CTSB: variants seen among roughly 807,000 people sequenced by gnomAD.
The protein encoded by CTSB is cathepsin B, also known as APP secretase.
CTSB carries 57 observed loss-of-function variants against 44.3 expected under a neutral mutation model. The ratio of observed to expected loss-of-function variants is 1.29; its 90% confidence interval spans 1.04 to 1.60. The LOEUF (loss-of-function observed/expected upper bound fraction) is 1.60. CTSB is among the 40% of genes most tolerant of loss of function. The pLI is 0.00. For synonymous variants in CTSB, 320 were observed against 168.0 expected (o/e 1.91, Z -7.00); for missense variants, 768 against 443.0 (o/e 1.73, Z -6.59).
At chr8:11,848,010 T>C (rs995631446) in intron 6 of CTSB, 57 bp downstream of exon 6, 8 of 1,444,682 alleles carry the variant, frequency 5.5e-6, no homozygotes, top group East Asian at 2.3e-5. Context: ...AAAGCCATGA[T>C]GGTTAATTGC....
rs1414442738 is a variant in CTSB, at chr8:11,847,770, C to A, written c.585G>T (p.Arg195=). The part of the protein sequence containing the change: ...PPCEHHVNGS[R]PPCTGEGDTP... ...TATCTCCCTCCCCCGTGCATGGGGG[C>A]CGGGAGCCGTTGACGTGGTGCTCAC... Residue 195 remains arginine, a synonymous_variant, in exon 7 of 10, where the codon CGG becomes CGT. Coordinates refer to ENST00000353047, the MANE Select transcript of CTSB (RefSeq NM_001908.5). The A allele has an allele frequency of 1.9e-6, 3 of 1,600,176 alleles. No homozygotes were observed. The highest frequency in any genetic ancestry group is 2.6e-6 in the Non-Finnish European group (3 of 1,175,912).
chr8:11,847,007 C>G (rs752631272), intron 8 of CTSB, 45 bp downstream of exon 8: 37 of 952,340 alleles, frequency 3.9e-5, no homozygotes, highest in Non-Finnish European at 5.7e-5. Flanking sequence ...CCCAGGCTCC[C>G]CTCCCGACCC....
Position 11,849,108 on chromosome 8 carries a change from G to T in CTSB, c.384C>A (p.His128Gln), listed in dbSNP as rs927000261. Reference sequence around the variant, plus strand: ...CCTCCGCCGACACCTCCACGCTGACGTGCGCATTGGTGTGGATGCAGATCC... The same window carrying T: ...CCTCCGCCGACACCTCCACGCTGACTTGCGCATTGGTGTGGATGCAGATCC... Reference protein sequence around the residue: ...SDRICIHTNAHVSVEVSAEDL... With the variant: ...SDRICIHTNAQVSVEVSAEDL... The change falls in exon 5 of 10, where the codon CAC becomes CAA. Residue 128 changes from histidine (H) to glutamine (Q), a missense_variant. Physicochemically the swap from His to Gln is conservative, Grantham distance 24. Transcript: ENST00000353047. 1.9e-6 allele frequency: 3 copies of T among 1,613,572 alleles called. No individual in the cohort carries two copies. The highest frequency in any genetic ancestry group is 2.5e-6 in the Non-Finnish European group (3 of 1,179,876).
intron 8 of CTSB, 161 bp downstream of exon 8, chr8:11,846,891 C>G (rs1563383098): frequency 6.6e-6 from 4 of 609,398 alleles, no homozygotes; most frequent in African/African-American, 5.5e-5. Context: ...CCAGGCTGGT[C>G]CACAGAGGAG....
At chr8:11,852,527 A>G in intron 3 of CTSB, 83 bp downstream of exon 3, 1 of 1,066,310 alleles carries the variant, frequency 9.4e-7, no homozygotes, top group Admixed American at 2.1e-5. Context: ...GACGCCAGAG[A>G]GGCCTTCACT....
chr8:11,845,377 G>A (rs529499043), intron 9 of CTSB, among the ~76,000 whole-genome samples, 155 bp from the exon 10 acceptor site: 1 of 152,178 alleles, frequency 6.6e-6, no homozygotes, highest in Non-Finnish European at 1.5e-5. Flanking sequence ...CTGGAGCCGT[G>A]GGGCACACCT....
At chr8:11,845,597 C>G in intron 9 of CTSB, 64 bp downstream of exon 9, 2 of 1,571,798 alleles carry the variant, frequency 1.3e-6, no homozygotes, top group South Asian at 1.2e-5. Flanking sequence ...CAGAGAAAGC[C>G]GAGATGGCCA....
At position 11,868,047 on chromosome 8, in the gene CTSB, G is replaced by C. The variant is rs990704836; in HGVS notation, c.-72C>G. 2.0e-5 allele frequency: 3 copies of C among 152,628 alleles called. No individual in the cohort carries two copies. The highest frequency in any genetic ancestry group is 7.2e-5 in the African/African-American group (3 of 41,440). The allele number at this position is 152,628 out of a possible 1,614,324, so 9.5% of individuals were successfully genotyped here. On this transcript the variant is annotated 5_prime_UTR_variant, in exon 1 of 10. Transcript: ENST00000353047. ...TGCAGCCCAGCCTGCGCGCAGCGGA[G>C]CGGTTGGCGTTGCCGGAGCGGTTGC...
In CTSB at chr8:11,845,708, G is replaced by A; in HGVS notation, c.875C>T (p.Pro292Leu). The A allele has an allele frequency of 2.5e-6, 4 of 1,614,080 alleles. No homozygotes were observed. Among genetic ancestry groups the A allele is most frequent in the African/African-American group, 1.3e-5 (1 of 75,036 alleles). The change falls in exon 9 of 10, where the codon CCC (proline) becomes CTC (leucine). Residue 292 changes from proline (P) to leucine (L), a missense_variant. Transcript: ENST00000353047. ...ILGWGVENGT[P>L]YWLVANSWNT... ...CCAGGAGTTGGCAACCAGCCAGTAG[G>A]GTGTGCCATTCTCCACTCCCCAGCC...
intron 8 of CTSB, among the ~76,000 whole-genome samples, 158 bp from the exon 9 acceptor site, chr8:11,845,947 T>G (rs1260043678): frequency 2.0e-5 from 3 of 152,140 alleles, no homozygotes; most frequent in African/African-American, 7.2e-5. Context: ...CCCACAATAC[T>G]GGGGAATTAA....
chr8:11,849,310 A>G, intron 4 of CTSB, 146 bp from the exon 5 acceptor site: 1 of 565,376 alleles, frequency 1.8e-6, no homozygotes, highest in Admixed American at 3.0e-5. Context: ...GCTCAAACTC[A>G]GCTTTTATTT....
intron 5 of CTSB, chr8:11,848,460 G>C (rs948837442): frequency 4.2e-6 from 2 of 473,990 alleles, no homozygotes; most frequent in African/African-American, 3.9e-5. Flanking sequence ...ATTCTCAACT[G>C]AGCAGACGCT....
At chr8:11,847,516 G>C (rs1026063340) in intron 7 of CTSB, among the ~76,000 whole-genome samples, 163 bp downstream of exon 7, 1 of 152,192 alleles carries the variant, frequency 6.6e-6, no homozygotes, top group African/African-American at 2.4e-5. Context: ...AAAGTGGAGA[G>C]TGTGCTGCTT....
intron 4 of CTSB, chr8:11,850,639 T>C (rs1814416553): frequency 4.9e-6 from 2 of 408,490 alleles, no homozygotes; most frequent in East Asian, 7.7e-5. Flanking sequence ...TCGCCACCTG[T>C]ACACGTGGAC....
chr8:11,849,823 C>A (rs186885924), intron 4 of CTSB, among the ~76,000 whole-genome samples: 1 of 151,754 alleles, frequency 6.6e-6, no homozygotes, highest in Non-Finnish European at 1.5e-5. Flanking sequence ...TCAGGTGATC[C>A]GCCTGCCTCA....
At chr8:11,858,670 G>A (rs183074807) in intron 1 of CTSB, among the ~76,000 whole-genome samples, 3 of 152,120 alleles carry the variant, frequency 2.0e-5, no homozygotes, top group Non-Finnish European at 4.4e-5. Flanking sequence ...AGACTGCTGA[G>A]AACTCAAAAA....
intron 8 of CTSB, chr8:11,846,011 G>T (rs928649102): frequency 5.1e-6 from 2 of 394,862 alleles, no homozygotes; most frequent in Non-Finnish European, 8.9e-6. Context: ...TATTGAAATA[G>T]ATTCCTACAA....
In CTSB at chr8:11,850,928, G is replaced by T; in HGVS notation, c.265C>A (p.Gln89Lys). The T allele has an allele frequency of 6.2e-7, 1 of 1,613,570 alleles. No individual in the cohort carries two copies. Among genetic ancestry groups the T allele is most frequent in the Non-Finnish European group, 8.5e-7 (1 of 1,179,672 alleles). The change falls in exon 4 of 10, where the codon CAA becomes AAA. Residue 89 changes from glutamine (Q) to lysine (K), a missense_variant. By Grantham distance (53) the Gln-to-Lys change is moderately conservative. Transcript: ENST00000353047. ...KLPASFDARE[Q>K]WPQCPTIKEI... ...TTGATGGTGGGACACTGTGGCCATT[G>T]TTCCCGTGCATCGAAGCTTGCAGGC...
At chr8:11,848,942 G>C in intron 5 of CTSB, 104 bp downstream of exon 5, 3 of 782,930 alleles carry the variant, frequency 3.8e-6, no homozygotes, top group Admixed American at 4.2e-5. Context: ...AAACACTTCT[G>C]ACTCGCAGCA....
Sources: gnomAD v4.1 joint callset for allele counts (sites outside exome capture counted in the v4.1 genomes callset) on GRCh38, gnomAD v4.1.1 for gene constraint, MANE v1.5 for transcripts, NCBI Gene and HGNC (gene_info 2026-07-23, HGNC 2026-07-21) for gene names.